The following PRRX1 variants were observed in gnomAD, a reference collection of about 807,000 sequenced individuals.
The protein encoded by PRRX1 is paired related homeobox 1.
In PRRX1, 8 loss-of-function variants were observed where a neutral mutation model predicts 24.0. That is an observed-to-expected ratio of 0.33 (90% CI 0.20 to 0.60). The LOEUF (loss-of-function observed/expected upper bound fraction) is 0.60, where lower values mean the gene tolerates loss of function less well. Among genes scored for constraint, PRRX1 ranks in the 20% least tolerant of loss-of-function variants. The pLI is 0.82. For missense variants in PRRX1, 281 were observed against 322.4 expected (o/e 0.87, Z 0.98); for synonymous variants, 160 against 131.7 (o/e 1.22, Z -1.47).
rs374262561 is a variant in PRRX1 at position 170,726,315 on chromosome 1, C to T, written c.513C>T (p.Asp171=). The T allele has an allele frequency of 1.4e-4, 229 of 1,613,934 alleles. No individual in the cohort carries two copies. Among genetic ancestry groups the T allele is most frequent in the Non-Finnish European group, 1.9e-4 (226 of 1,179,950 alleles). ...NASLLKSYSG[D]VTAVEQPIVP... is the part of the protein sequence containing the mutation. ...CCCTCCTCAAATCCTACTCAGGAGA[C>T]GTGACTGCTGTGGAGCAGCCCATCG... is the stretch of plus-strand genomic sequence containing the variant. The change falls in exon 3 of 4, where the codon GAC becomes GAT. Residue 171 remains aspartate, a synonymous_variant. Coordinates refer to ENST00000239461, the MANE Select transcript of PRRX1 (RefSeq NM_022716.4).
intron 1 of PRRX1, among the ~76,000 whole-genome samples, chr1:170,678,290 A>G (rs1653389892): frequency 6.6e-6 from 1 of 152,128 alleles, no homozygotes; most frequent in African/African-American, 2.4e-5. Context: ...CCAGGACTCT[A>G]TTTTTTTGCC....
chr1:170,739,141 C>G lies in PRRX1; in HGVS notation c.*2955C>G, dbSNP rs1253082518. 9.5e-6 allele frequency: 2 copies of G among 211,450 alleles called. No individual in the cohort carries two copies. The highest frequency in any genetic ancestry group is 1.9e-5 in the Non-Finnish European group (2 of 104,094). 13.1% of individuals were successfully genotyped at this position (211,450 alleles called of 1,614,324 possible). On this transcript the variant is annotated 3_prime_UTR_variant, in exon 4 of 4. Coordinates refer to ENST00000239461, the MANE Select transcript of PRRX1 (RefSeq NM_022716.4). ...AACCCTGTTCCTCACCATCATGATA[C>G]CAGATACAGGTGAATACATAGGAAC... is the stretch of plus-strand genomic sequence containing the variant.
At chr1:170,699,435 G>C (rs1654280209) in intron 1 of PRRX1, among the ~76,000 whole-genome samples, 1 of 151,850 alleles carries the variant, frequency 6.6e-6, no homozygotes, top group Admixed American at 6.6e-5. Flanking sequence ...CCATTCATGA[G>C]CTCTAGTTTG....
chr1:170,730,934 T>C (rs2101925750), intron 3 of PRRX1, among the ~76,000 whole-genome samples: 1 of 152,332 alleles, frequency 6.6e-6, no homozygotes, highest in Admixed American at 6.5e-5. Flanking sequence ...AGGCTTTATA[T>C]ATAAAAGTAT....
At chr1:170,667,308 G>GCACACA (rs1299091079) in intron 1 of PRRX1, 3 of 116,142 alleles carry the variant, frequency 2.6e-5, no homozygotes, top group African/African-American at 4.0e-5. Flanking sequence ...GCGCGCGCGC[G>GCACACA]CGCACACACA....
chr1:170,719,364 G>T (rs1201740483), intron 1 of PRRX1, among the ~76,000 whole-genome samples: 1 of 152,186 alleles, frequency 6.6e-6, no homozygotes, highest in African/African-American at 2.4e-5. Context: ...GACAAATAAG[G>T]TACAAAACCA....
chr1:170,731,749 A>G, intron 3 of PRRX1, among the ~76,000 whole-genome samples: 1 of 152,196 alleles, frequency 6.6e-6, no homozygotes, highest in Non-Finnish European at 1.5e-5. Context: ...GCTGTGTTGC[A>G]TCTGTTAGGA....
chr1:170,712,191 A>G lies in PRRX1; in HGVS notation c.242-7535A>G, dbSNP rs141384148. Among the ~76,000 whole-genome samples, 6 of 152,240 alleles carry G rather than the reference A, an allele frequency of 3.9e-5. No homozygotes were observed. The East Asian group carries it at 1.2e-3, about 29-fold the overall frequency. On this transcript the variant is annotated intron_variant, in intron 1 of 3. Transcript: ENST00000239461. ...GAGTACTAGAATCTATTTGCTTTCTAGATTTTTTTTCCAAAATTTGAATTT... is the reference window on the plus strand; with the variant it reads ...GAGTACTAGAATCTATTTGCTTTCTGGATTTTTTTTCCAAAATTTGAATTT...
intron 1 of PRRX1, among the ~76,000 whole-genome samples, chr1:170,711,116 G>C (rs1654730902): frequency 6.6e-6 from 1 of 152,076 alleles, no homozygotes; most frequent in Non-Finnish European, 1.5e-5. Flanking sequence ...CATCTAAAAA[G>C]TATTTAAAAA....
At chr1:170,675,982 C>T (rs1653307927) in intron 1 of PRRX1, among the ~76,000 whole-genome samples, 1 of 152,110 alleles carries the variant, frequency 6.6e-6, no homozygotes, top group Non-Finnish European at 1.5e-5. Context: ...TTGCCTATTT[C>T]TAAGAGAGGA....
intron 1 of PRRX1, among the ~76,000 whole-genome samples, chr1:170,705,967 CAA>C (rs1491411177): frequency 1.4e-5 from 2 of 146,390 alleles, no homozygotes; most frequent in Admixed American, 6.8e-5. Context: ...CACACACACA[CAA>C]ACATTTTATG....
upstream of PRRX1, chr1:170,663,590 G>A (rs1652801032): frequency 6.6e-6 from 1 of 151,310 alleles, no homozygotes; most frequent in Admixed American, 6.6e-5. Context: ...TGAAACTTTA[G>A]TCACTCCTGA....
Position 170,715,363 on chromosome 1 carries a change from C to T in PRRX1, c.242-4363C>T, listed in dbSNP as rs976701856. The stretch of plus-strand genomic sequence containing the variant: ...ACTGTAATGTAATATGTCAAGGAAT[C>T]CTATCTCTTTTCTATAGAAATACCT... On this transcript the variant is annotated intron_variant, in intron 1 of 3. Transcript: ENST00000239461. 3.9e-5 allele frequency among the ~76,000 whole-genome samples: 6 copies of T among 152,212 alleles called. 1 individual carries two copies. Among genetic ancestry groups the T allele is most frequent in the Non-Finnish European group, 2.9e-5 (2 of 68,004 alleles).
Position 170,684,901 on chromosome 1 carries a change from G to T in PRRX1, c.241+20442G>T, listed in dbSNP as rs1653679007. Among the ~76,000 whole-genome samples the T allele has an allele frequency of 5.9e-5, 9 of 152,244 alleles. No individual in the cohort carries two copies. In the South Asian group the frequency reaches 1.9e-3, roughly 32 times the overall value. ...TTTTCATGATTTTAAAAATAATTTGGCAAAGGATAAGTTATAATCAGTATA... is the reference window on the plus strand; with the variant it reads ...TTTTCATGATTTTAAAAATAATTTGTCAAAGGATAAGTTATAATCAGTATA... On this transcript the variant is annotated intron_variant, in intron 1 of 3. Transcript: ENST00000239461.
intron 1 of PRRX1, among the ~76,000 whole-genome samples, chr1:170,680,430 A>G (rs1007682452): frequency 1.3e-5 from 2 of 152,212 alleles, no homozygotes; most frequent in Non-Finnish European, 2.9e-5. Context: ...CTACTGAGTT[A>G]CAGTTCTCTA....
At chr1:170,678,012 A>G (rs1300548499) in intron 1 of PRRX1, among the ~76,000 whole-genome samples, 1 of 152,176 alleles carries the variant, frequency 6.6e-6, no homozygotes, top group Non-Finnish European at 1.5e-5. Context: ...TCTCTGTCCT[A>G]TAGTGCCTCT....
rs1183831021 is a variant in PRRX1 at position 170,739,007 on chromosome 1, A to G, written c.*2821A>G. ...TACAAGCTCTCAATTTTGTTCATTT[A>G]TTATCAAATTTTTAAAATACAAGTT... On this transcript the variant is annotated 3_prime_UTR_variant, in exon 4 of 4. Coordinates refer to ENST00000239461, the MANE Select transcript of PRRX1 (RefSeq NM_022716.4). 1 of 222,212 alleles carries G rather than the reference A, an allele frequency of 4.5e-6. No individual in the cohort carries two copies. Among genetic ancestry groups the G allele is most frequent in the South Asian group, 1.8e-4 (1 of 5,430 alleles). The allele number at this position is 222,212 out of a possible 1,614,324, so 13.8% of individuals were successfully genotyped here.
intron 3 of PRRX1, among the ~76,000 whole-genome samples, chr1:170,732,946 C>T (rs528051964): frequency 2.0e-4 from 30 of 152,092 alleles, no homozygotes; most frequent in African/African-American, 7.0e-4. Flanking sequence ...TATAATCAGA[C>T]GAGGGCACTG....
In PRRX1 at chr1:170,739,007, A is replaced by T; in HGVS notation, c.*2821A>T. 3 of 222,330 alleles carry T rather than the reference A, an allele frequency of 1.3e-5. No individual in the cohort carries two copies. The highest frequency in any genetic ancestry group is 1.3e-4 in the East Asian group (2 of 15,148). The allele number at this position is 222,330 out of a possible 1,614,324, so 13.8% of individuals were successfully genotyped here. A position where few individuals can be genotyped will look rare whatever the true frequency, so the allele number is the denominator to read the frequency against. The stretch of plus-strand genomic sequence containing the variant: ...TACAAGCTCTCAATTTTGTTCATTT[A>T]TTATCAAATTTTTAAAATACAAGTT... On this transcript the variant is annotated 3_prime_UTR_variant, in exon 4 of 4. Coordinates refer to ENST00000239461, the MANE Select transcript of PRRX1 (RefSeq NM_022716.4).
Sources: gnomAD v4.1 joint callset for allele counts (sites outside exome capture counted in the v4.1 genomes callset) on GRCh38, gnomAD v4.1.1 for gene constraint, MANE v1.5 for transcripts, NCBI Gene and HGNC (gene_info 2026-07-23, HGNC 2026-07-21) for gene names.